The following TMEM182 variants were observed in gnomAD, a reference collection of about 807,000 sequenced individuals.
TMEM182 encodes the protein transmembrane protein 182.
Under a neutral mutation model 26.8 loss-of-function variants are expected in TMEM182, and 20 were observed. That is an observed-to-expected ratio of 0.75 (90% CI 0.53 to 1.09). The LOEUF (loss-of-function observed/expected upper bound fraction) is 1.09. Among genes scored for constraint, TMEM182 ranks in the 50% least tolerant of loss-of-function variants. TMEM182 has a pLI of 0.00. For missense variants in TMEM182, 277 were observed against 275.5 expected, an observed-to-expected ratio of 1.01 and a Z score of -0.04; for synonymous variants, 109 against 102.2, an observed-to-expected ratio of 1.07 and a Z score of -0.40.
At chr2:102,797,539 T>C (rs778241643) in intron 3 of TMEM182, among the ~76,000 whole-genome samples, 15 of 152,200 alleles carry the variant, frequency 9.9e-5, no homozygotes, top group Non-Finnish European at 1.9e-4. Context: ...GAGAACTCTT[T>C]AGAAGCAAGA....
intron 1 of TMEM182, among the ~76,000 whole-genome samples, chr2:102,744,473 CT>C (rs1402690067): frequency 6.6e-6 from 1 of 152,046 alleles, no homozygotes; most frequent in African/African-American, 2.4e-5. Flanking sequence ...GTAATTTATG[CT>C]GCCATCTTAA....
At chr2:102,835,497 T>G (rs1231393554) in intron 3 of TMEM182, among the ~76,000 whole-genome samples, 1 of 152,046 alleles carries the variant, frequency 6.6e-6, no homozygotes, top group Non-Finnish European at 1.5e-5. Flanking sequence ...TACTGAGGGT[T>G]TACTCTTGGT....
In TMEM182 at chr2:102,815,941, C is replaced by A; in HGVS notation, c.*973C>A. 1.7e-5 allele frequency: 17 copies of A among 982,294 alleles called. No homozygotes were observed. The highest frequency in any genetic ancestry group is 2.1e-5 in the Non-Finnish European group (17 of 827,158). 60.8% of individuals were successfully genotyped at this position (982,294 alleles called of 1,614,324 possible). On this transcript the variant is annotated 3_prime_UTR_variant, in exon 5 of 5. Transcript: ENST00000412401. The stretch of plus-strand genomic sequence containing the variant: ...TTAAAGACCATAAAATATTAACTTT[C>A]CCCAAGATGTTATGGGTTCCAGTTC...
At chr2:102,771,437 G>GGTA (rs1342698964) in intron 3 of TMEM182, among the ~76,000 whole-genome samples, 1 of 152,124 alleles carries the variant, frequency 6.6e-6, no homozygotes, top group Non-Finnish European at 1.5e-5. Context: ...AGCTCTTGAG[G>GGTA]GTAGAGTTGG....
chr2:102,754,219 T>C (rs1397458154), intron 1 of TMEM182, among the ~76,000 whole-genome samples: 1 of 152,222 alleles, frequency 6.6e-6, no homozygotes, highest in Admixed American at 6.5e-5. Context: ...CAGATGTGTT[T>C]AGAACTCAGA....
chr2:102,824,684 G>T (rs1040093734), intron 3 of TMEM182, among the ~76,000 whole-genome samples: 7 of 152,132 alleles, frequency 4.6e-5, no homozygotes, highest in African/African-American at 9.7e-5. Context: ...AATTAGCCAG[G>T]CATGGTGGTG....
chr2:102,755,345 G>A (rs1182184319), intron 1 of TMEM182, among the ~76,000 whole-genome samples: 1 of 152,160 alleles, frequency 6.6e-6, no homozygotes, highest in Admixed American at 6.5e-5. Context: ...TCCAAGCAGT[G>A]CATATAAACA....
intron 3 of TMEM182, among the ~76,000 whole-genome samples, chr2:102,773,324 A>G (rs1680762562): frequency 6.6e-6 from 1 of 151,970 alleles, no homozygotes; most frequent in Admixed American, 6.6e-5. Context: ...CTCTGGAGAA[A>G]CCTAAGACAT....
At chr2:102,738,545 T>G (rs1679442279) in intron 1 of TMEM182, among the ~76,000 whole-genome samples, 1 of 152,094 alleles carries the variant, frequency 6.6e-6, no homozygotes, top group Non-Finnish European at 1.5e-5. Context: ...TGAGCTGAGA[T>G]CGCCCCACTG....
intron 3 of TMEM182, among the ~76,000 whole-genome samples, chr2:102,773,142 A>AT (rs1680751118): frequency 6.6e-6 from 1 of 152,106 alleles, no homozygotes; most frequent in Non-Finnish European, 1.5e-5. Context: ...TTCAACAAAT[A>AT]TTTTTTGAGC....
intron 4 of TMEM182, among the ~76,000 whole-genome samples, chr2:102,810,679 G>A (rs566189330): frequency 4.6e-5 from 7 of 152,064 alleles, no homozygotes; most frequent in South Asian, 4.2e-4. Context: ...TCATGGATTC[G>A]GGGCTGGGTT....
chr2:102,836,080 C>T (rs1289674339), intron 3 of TMEM182, among the ~76,000 whole-genome samples: 1 of 152,086 alleles, frequency 6.6e-6, no homozygotes, highest in Admixed American at 6.5e-5. Context: ...TAGCTCATGT[C>T]TTTTTAGCAC....
At position 102,774,250 on chromosome 2, in the gene TMEM182, C is replaced by CTTTTTTTTTTTTTT. The variant is rs774047240; in HGVS notation, c.331+9832_331+9845dup. ...GATGTTTTTTACACTTTCTTTCTTT[C>CTTTTTTTTTTTTTT]TTTTTTTTTTTTTTTTTTTTTTGGT... On this transcript the variant is annotated intron_variant, in intron 3 of 4. Transcript: ENST00000412401. 4.2e-4 allele frequency among the ~76,000 whole-genome samples: 40 copies of CTTTTTTTTTTTTTT among 96,112 alleles called. 1 individual carries two copies. Among genetic ancestry groups the CTTTTTTTTTTTTTT allele is most frequent in the South Asian group, 8.3e-4 (2 of 2,424 alleles). 63.1% of individuals were successfully genotyped at this position (96,112 alleles called of 152,430 possible).
At chr2:102,770,548 G>C (rs895447438) in intron 3 of TMEM182, among the ~76,000 whole-genome samples, 1 of 152,136 alleles carries the variant, frequency 6.6e-6, no homozygotes, top group Admixed American at 6.5e-5. Context: ...TTTGTCACCT[G>C]AGGATCCTCC....
chr2:102,780,074 G>A (rs1422341884), intron 3 of TMEM182, among the ~76,000 whole-genome samples: 1 of 150,484 alleles, frequency 6.6e-6, no homozygotes, highest in Non-Finnish European at 1.5e-5. Flanking sequence ...TTGTATCATG[G>A]CTATTTCCAA....
At chr2:102,801,783 T>C (rs1682151844) in intron 4 of TMEM182, among the ~76,000 whole-genome samples, 1 of 152,246 alleles carries the variant, frequency 6.6e-6, no homozygotes, top group Non-Finnish European at 1.5e-5. Flanking sequence ...GCTTCTTAGA[T>C]AGTGTTTACA....
chr2:102,781,294 G>A (rs1478519228), intron 3 of TMEM182, among the ~76,000 whole-genome samples: 31 of 152,000 alleles, frequency 2.0e-4, no homozygotes, highest in Admixed American at 2.0e-3. Context: ...GCAATTGGAG[G>A]GATGGAGTTG....
Position 102,770,436 on chromosome 2 carries a change from C to T in TMEM182, c.331+6009C>T, listed in dbSNP as rs528511037. Among the ~76,000 whole-genome samples, 44 of 152,302 alleles carry T rather than the reference C, an allele frequency of 2.9e-4. 1 individual carries two copies. Among genetic ancestry groups the T allele is most frequent in the African/African-American group, 8.7e-4 (36 of 41,574 alleles). On this transcript the variant is annotated intron_variant, in intron 3 of 4. Transcript: ENST00000412401. Reference sequence around the variant, plus strand: ...AGATCATCTGCTGTGTATCCCATCCCGGTTCACTGCTCATTCTCTTAGACA... The same window carrying T: ...AGATCATCTGCTGTGTATCCCATCCTGGTTCACTGCTCATTCTCTTAGACA...
chr2:102,759,345 G>A (rs1218924407), upstream of TMEM182, among the ~76,000 whole-genome samples: 2 of 152,116 alleles, frequency 1.3e-5, no homozygotes, highest in African/African-American at 4.8e-5. Context: ...ATCCAGGGAG[G>A]GGGCGTGTGG....
Sources: allele counts gnomAD v4.1 joint callset (sites outside exome capture counted in the v4.1 genomes callset), GRCh38; gene constraint gnomAD v4.1.1; transcripts MANE v1.5; gene names NCBI Gene and HGNC (gene_info 2026-07-23, HGNC 2026-07-21).